Variants in USP10 observed in about 807,000 individuals in gnomAD.
The protein encoded by USP10 is ubiquitin specific peptidase 10, also known as ubiquitin carboxyl-terminal hydrolase 10.
In USP10, 22 loss-of-function variants were observed where a neutral mutation model predicts 84.5. The observed-to-expected ratio is 0.26, with a 90% confidence interval of 0.19 to 0.37. The LOEUF (loss-of-function observed/expected upper bound fraction) is 0.37, where lower values mean the gene tolerates loss of function less well. USP10 is among the 10% of genes least tolerant of loss of function. USP10 has a pLI of 1.00. For synonymous variants in USP10, 454 were observed against 387.6 expected (o/e 1.17, Z -2.01); for missense variants, 1,019 against 998.9 (o/e 1.02, Z -0.27).
intron 4 of USP10, among the ~76,000 whole-genome samples, chr16:84,752,800 G>A (rs766525080): frequency 1.5e-4 from 23 of 152,148 alleles, no homozygotes; most frequent in Non-Finnish European, 2.2e-4. Flanking sequence ...GATGGTTATC[G>A]AAATGAGTCA....
At chr16:84,757,402 GGTGTGTGTGTGTGTGTGTGTGTGTGTGT>G in intron 4 of USP10, among the ~76,000 whole-genome samples, 1 of 82,860 alleles carries the variant, frequency 1.2e-5, no homozygotes, top group East Asian at 2.7e-4. Context: ...GAGGGGTGGG[GGTGTGTGTGTGTGTGTGTGTGTGTGTGT>G]GTGTGTGTGT....
At chr16:84,725,449 G>T (rs1175402571) in intron 1 of USP10, among the ~76,000 whole-genome samples, 1 of 151,876 alleles carries the variant, frequency 6.6e-6, no homozygotes, top group Non-Finnish European at 1.5e-5. Context: ...ACCCGGGCTG[G>T]AGTGCAAATG....
chr16:84,710,727 A>G (rs924722845), intron 1 of USP10, among the ~76,000 whole-genome samples: 2 of 152,142 alleles, frequency 1.3e-5, no homozygotes, highest in African/African-American at 4.8e-5. Flanking sequence ...CAGCGTTTTT[A>G]GGTTTGTGAT....
In USP10 at chr16:84,775,141, T is replaced by C. The variant is rs1372737884; in HGVS notation, c.2144-19T>C. On this transcript the variant is annotated intron_variant, in intron 12 of 13. Transcript: ENST00000219473. ...ACCTTTCTAAAAGTGCTTCAAGCCA[T>C]TGATATTTTGTTTTCCAGAACTGCT... 6.2e-7 allele frequency: 1 copy of C among 1,612,522 alleles called. No individual in the cohort carries two copies. Among genetic ancestry groups the C allele is most frequent in the Admixed American group, 1.7e-5 (1 of 60,010 alleles).
chr16:84,760,070 A>T, intron 7 of USP10, 102 bp from the exon 8 acceptor site: 1 of 1,520,310 alleles, frequency 6.6e-7, no homozygotes, highest in South Asian at 1.1e-5. Context: ...CATTCTCAAC[A>T]TTCAGCCAGG....
intron 1 of USP10, among the ~76,000 whole-genome samples, chr16:84,726,847 C>T (rs934566327): frequency 1.3e-5 from 2 of 152,248 alleles, no homozygotes; most frequent in Non-Finnish European, 2.9e-5. Flanking sequence ...TGCCGTCCCG[C>T]CCCTGGGCAT....
intron 1 of USP10, among the ~76,000 whole-genome samples, chr16:84,723,116 C>G (rs1031404265): frequency 3.3e-5 from 5 of 150,212 alleles, no homozygotes; most frequent in African/African-American, 1.2e-4. Context: ...AAGGATTGAC[C>G]GGCTCCGATA....
intron 5 of USP10, among the ~76,000 whole-genome samples, chr16:84,759,092 C>G (rs1162414018): frequency 1.3e-5 from 2 of 152,224 alleles, no homozygotes; most frequent in Non-Finnish European, 2.9e-5. Flanking sequence ...CCACTTACAA[C>G]TGGAAATTTG....
rs1912865803 is a variant in USP10 at position 84,758,712 on chromosome 16, T to C, written c.1193-4T>C. On this transcript the variant is annotated splice_polypyrimidine_tract_variant and splice_region_variant and intron_variant, in intron 4 of 13. Transcript: ENST00000219473. Reference sequence around the variant, plus strand: ...TTCTGAAATATGCTTCTTCACTCTTTCAGAGTTGCTGGAGAATGTAACCCT... The same window carrying C: ...TTCTGAAATATGCTTCTTCACTCTTCCAGAGTTGCTGGAGAATGTAACCCT... 2 of 1,606,154 alleles carry C rather than the reference T, an allele frequency of 1.2e-6. No individual in the cohort carries two copies. The highest frequency in any genetic ancestry group is 4.5e-5 in the East Asian group (2 of 44,850).
intron 4 of USP10, among the ~76,000 whole-genome samples, chr16:84,749,574 T>TAAA (rs35825970): frequency 1.9e-3 from 279 of 146,684 alleles, no homozygotes; most frequent in African/African-American, 3.8e-3. Context: ...ACCCCATCTT[T>TAAA]AAAAAAAAAA....
chr16:84,764,333 G>C, intron 10 of USP10, 70 bp downstream of exon 10: 3 of 1,594,922 alleles, frequency 1.9e-6, no homozygotes, highest in Admixed American at 3.4e-5. Context: ...GAAGGGGGAA[G>C]GTGTGAGGCT....
At chr16:84,738,768 G>A (rs947523955) in intron 2 of USP10, among the ~76,000 whole-genome samples, 1 of 152,220 alleles carries the variant, frequency 6.6e-6, no homozygotes, top group Non-Finnish European at 1.5e-5. Flanking sequence ...AACTTACTGC[G>A]TTACTAGCAG....
At chr16:84,714,735 A>G (rs1906776794) in intron 1 of USP10, among the ~76,000 whole-genome samples, 1 of 152,004 alleles carries the variant, frequency 6.6e-6, no homozygotes, top group African/African-American at 2.4e-5. Flanking sequence ...TGTAAACTGG[A>G]AGATGAACGT....
intron 1 of USP10, chr16:84,709,252 T>G (rs1905957923): frequency 6.6e-6 from 1 of 152,226 alleles, no homozygotes; most frequent in Non-Finnish European, 1.5e-5. Context: ...GAACACAATC[T>G]GAAGTCAGAG....
At chr16:84,718,020 G>A (rs1037024399) in intron 1 of USP10, among the ~76,000 whole-genome samples, 4 of 152,166 alleles carry the variant, frequency 2.6e-5, no homozygotes, top group African/African-American at 9.7e-5. Flanking sequence ...TAAGAGATTG[G>A]AAGAACAATG....
intron 1 of USP10, among the ~76,000 whole-genome samples, chr16:84,723,303 C>T (rs867577923): frequency 6.6e-6 from 1 of 152,062 alleles, no homozygotes; most frequent in Non-Finnish European, 1.5e-5. Flanking sequence ...GCTTAATTCA[C>T]TTACGTTGAA....
intron 1 of USP10, among the ~76,000 whole-genome samples, chr16:84,702,045 CTTTTTTTTTTTTTT>C (rs1168917308): frequency 4.7e-5 from 2 of 42,614 alleles, no homozygotes; most frequent in Non-Finnish European, 7.7e-5. Context: ...GAGTTTCGCT[CTTTTTTTTTTTTTT>C]TTTTTTTTTT....
chr16:84,750,748 A>C (rs761373742), intron 4 of USP10, among the ~76,000 whole-genome samples: 1 of 152,236 alleles, frequency 6.6e-6, no homozygotes, highest in East Asian at 1.9e-4. Context: ...ACAGAATATA[A>C]ATAATGCTGG....
At chr16:84,719,368 C>CGA (rs2150775600) in intron 1 of USP10, among the ~76,000 whole-genome samples, 1 of 152,210 alleles carries the variant, frequency 6.6e-6, no homozygotes, top group South Asian at 2.1e-4. Context: ...ACTTGGATCA[C>CGA]GGGAATGCCC....
Sources: gnomAD v4.1 joint callset for allele counts (sites outside exome capture counted in the v4.1 genomes callset) on GRCh38, gnomAD v4.1.1 for gene constraint, MANE v1.5 for transcripts, NCBI Gene and HGNC (gene_info 2026-07-23, HGNC 2026-07-21) for gene names.